Variants in ADSL observed in about 807,000 individuals in gnomAD.
ADSL encodes the protein adenylosuccinate lyase, also known as adenylosuccinase.
Under a neutral mutation model 62.1 loss-of-function variants are expected in ADSL, and 44 were observed. The ratio of observed to expected loss-of-function variants is 0.71; its 90% CI spans 0.56 to 0.91. The LOEUF is 0.91. ADSL is among the 40% of genes least tolerant of loss of function. The pLI, the probability that ADSL is intolerant of heterozygous loss-of-function variation, is 0.00. For synonymous variants in ADSL, 198 were observed against 220.5 expected (o/e 0.90, Z 0.90); for missense variants, 531 against 627.4 (o/e 0.85, Z 1.64).
Position 40,378,835 on chromosome 22 carries a change from T to C in ADSL, c.90-11395T>C, listed in dbSNP as rs373379799. 1.4e-4 allele frequency among the ~76,000 whole-genome samples: 22 copies of C among 152,322 alleles called. No homozygotes were observed. In the South Asian group the frequency reaches 1.7e-3, roughly 11 times the overall value. On this transcript the variant is annotated intron_variant, in intron 2 of 2. Transcript: ENST00000498234. ...CGTGATTCTCTGATTGAAATCTAAA[T>C]CTGCAGACTCCGAGACCTAGAGTTC... is the stretch of plus-strand genomic sequence containing the variant.
At chr22:40,383,326 G>A (rs530540511) in intron 2 of ADSL, among the ~76,000 whole-genome samples, 2 of 152,176 alleles carry the variant, frequency 1.3e-5, no homozygotes, top group Non-Finnish European at 2.9e-5. Context: ...AATTAGCCCG[G>A]CGTGGTGGCA....
At chr22:40,378,948 C>A (rs2047104913) in intron 2 of ADSL, among the ~76,000 whole-genome samples, 1 of 152,192 alleles carries the variant, frequency 6.6e-6, no homozygotes, top group East Asian at 1.9e-4. Context: ...CTCTTTGTTT[C>A]GGACCTCTGC....
At chr22:40,382,829 G>C (rs546516132) in intron 2 of ADSL, among the ~76,000 whole-genome samples, 19 of 152,302 alleles carry the variant, frequency 1.2e-4, no homozygotes, top group Admixed American at 4.6e-4. Flanking sequence ...TTATTCTGCA[G>C]GTACCTATTA....
downstream of ADSL, among the ~76,000 whole-genome samples, chr22:40,371,944 C>T (rs1825858396): frequency 6.6e-6 from 1 of 152,082 alleles, no homozygotes; most frequent in Admixed American, 6.6e-5. Context: ...GGTGATCCGC[C>T]CGTCTCGGGC....
At chr22:40,386,939 A>G (rs1043697098) in intron 2 of ADSL, among the ~76,000 whole-genome samples, 1 of 152,068 alleles carries the variant, frequency 6.6e-6, no homozygotes, top group Non-Finnish European at 1.5e-5. Flanking sequence ...ACACACAAAA[A>G]ATTTTTTTTA....
chr22:40,377,363 A>C (rs768834634), intron 2 of ADSL, among the ~76,000 whole-genome samples: 2 of 152,228 alleles, frequency 1.3e-5, no homozygotes, highest in African/African-American at 2.4e-5. Flanking sequence ...ATATCTGGGC[A>C]CTAGAGCTGC....
At chr22:40,351,160 A>G (rs2044330453) in intron 2 of ADSL, among the ~76,000 whole-genome samples, 1 of 151,522 alleles carries the variant, frequency 6.6e-6, no homozygotes, top group Admixed American at 6.6e-5. Context: ...GCACCAGGCT[A>G]ATTAAAAAAA....
downstream of ADSL, chr22:40,372,578 C>G (rs2045792728): frequency 6.6e-6 from 1 of 152,158 alleles, no homozygotes; most frequent in Non-Finnish European, 1.5e-5. Context: ...AAAACGCATA[C>G]CTCGTGAATT....
chr22:40,375,061 A>C (rs1490377129), intron 2 of ADSL, among the ~76,000 whole-genome samples: 1 of 152,222 alleles, frequency 6.6e-6, no homozygotes. Flanking sequence ...CCATTTATAC[A>C]TGAGGAGAGA....
In ADSL at chr22:40,354,320, C is replaced by T. The variant is rs1310213333; in HGVS notation, c.475C>T (p.His159Tyr). The T allele has an allele frequency of 1.2e-6, 2 of 1,613,516 alleles. No individual in the cohort carries two copies. Among genetic ancestry groups the T allele is most frequent in the African/African-American group, 2.7e-5 (2 of 74,912 alleles). Residue 159 changes from histidine to tyrosine, a missense_variant, in exon 4 of 13, where the codon CAT becomes TAT. Physicochemically the swap from His to Tyr is moderately conservative, Grantham distance 83. Coordinates refer to ENST00000623063, the MANE Select transcript of ADSL (RefSeq NM_000026.4). ...CAGTCTACCCACATTAGGTTTCACA[C>T]ATTTCCAGTAAGTGATAAGATTACT... ...RASLPTLGFT[H>Y]FQPAQLTTVG... is the part of the protein sequence containing the mutation.
chr22:40,368,312 G>A lies in ADSL; in HGVS notation c.*1790G>A, dbSNP rs1332512512. The A allele has an allele frequency of 1.3e-5, 2 of 152,150 alleles. No individual in the cohort carries two copies. Among genetic ancestry groups the A allele is most frequent in the Non-Finnish European group, 2.9e-5 (2 of 68,044 alleles). 9.4% of individuals were successfully genotyped at this position (152,150 alleles called of 1,614,324 possible). On this transcript the variant is annotated 3_prime_UTR_variant, in exon 13 of 13. Transcript: ENST00000623063. ...GCCTCGTTAGGAATGTTGTGAGGGA[G>A]AGGAGGCTGAATCGGTTCCAGTTTT...
At chr22:40,352,231 A>G (rs971579996) in intron 2 of ADSL, among the ~76,000 whole-genome samples, 1 of 152,082 alleles carries the variant, frequency 6.6e-6, no homozygotes, top group Non-Finnish European at 1.5e-5. Flanking sequence ...AACTGTAGGC[A>G]AGAAAAATGG....
chr22:40,352,256 G>A (rs1375241058), intron 2 of ADSL, among the ~76,000 whole-genome samples: 3 of 151,994 alleles, frequency 2.0e-5, no homozygotes, highest in African/African-American at 4.8e-5. Context: ...GGCTGGGCAC[G>A]GTGGCTCACA....
At chr22:40,372,635 A>G (rs912258634), downstream of ADSL, 2 of 152,352 alleles carry the variant, frequency 1.3e-5, no homozygotes, top group Admixed American at 1.3e-4. Context: ...GTAGAACCTC[A>G]CAGAAATGAA....
intron 1 of ADSL, among the ~76,000 whole-genome samples, chr22:40,349,179 A>T (rs2044252719): frequency 6.6e-6 from 1 of 152,106 alleles, no homozygotes; most frequent in Non-Finnish European, 1.5e-5. Context: ...TAAAAATGTC[A>T]TGTGGTGATA....
rs192782798 is a variant in ADSL at position 40,358,371 on chromosome 22, A to T, written c.483-493A>T. 7.8e-4 allele frequency among the ~76,000 whole-genome samples: 119 copies of T among 152,204 alleles called. 2 individuals are homozygous for T. The highest frequency in any genetic ancestry group is 2.9e-3 in the Admixed American group (45 of 15,280). Reference sequence around the variant, plus strand: ...GGCTGAAGTAGGTGGATCGCTTGAGACATAGAGTTTGAGACCAGCCTGAGC... The same window carrying T: ...GGCTGAAGTAGGTGGATCGCTTGAGTCATAGAGTTTGAGACCAGCCTGAGC... On this transcript the variant is annotated intron_variant, in intron 4 of 12. Coordinates refer to ENST00000623063, the MANE Select transcript of ADSL (RefSeq NM_000026.4).
chr22:40,346,763 G>C, intron 1 of ADSL, 52 bp downstream of exon 1: 2 of 1,541,504 alleles, frequency 1.3e-6, no homozygotes, highest in African/African-American at 1.4e-5. Context: ...GCCCGCCCCA[G>C]CACGTGCCGG....
downstream of ADSL, among the ~76,000 whole-genome samples, chr22:40,372,121 CCTTTTTTTTT>C: frequency 8.8e-6 from 1 of 114,258 alleles, no homozygotes; most frequent in East Asian, 2.8e-4. Context: ...GTCCCCCCCC[CCTTTTTTTTT>C]TTTTTTTTTT....
At chr22:40,380,989 T>C (rs1601775934) in intron 2 of ADSL, among the ~76,000 whole-genome samples, 1 of 152,288 alleles carries the variant, frequency 6.6e-6, no homozygotes, top group East Asian at 1.9e-4. Flanking sequence ...TTTTTGTAAA[T>C]TGTATTTTCC....
Sources: gnomAD v4.1 joint callset for allele counts (sites outside exome capture counted in the v4.1 genomes callset) on GRCh38, gnomAD v4.1.1 for gene constraint, MANE v1.5 for transcripts, NCBI Gene and HGNC (gene_info 2026-07-23, HGNC 2026-07-21) for gene names.